The following SLC44A5 variants were observed in gnomAD, a reference collection of about 807,000 sequenced individuals.
SLC44A5 encodes the protein choline transporter-like protein 5.
A neutral mutation model predicts 101.8 loss-of-function variants in SLC44A5; 57 were observed. The ratio of observed to expected loss-of-function variants is 0.56; its 90% CI spans 0.45 to 0.70. The LOEUF is 0.70. Ranked by LOEUF, SLC44A5 falls within the 30% of genes least tolerant of loss-of-function variation. SLC44A5 has a pLI of 0.00. For missense variants in SLC44A5, 737 were observed against 853.1 expected, an observed-to-expected ratio of 0.86 and a Z score of 1.70; for synonymous variants, 281 against 290.9, an observed-to-expected ratio of 0.97 and a Z score of 0.35.
chr1:75,625,504 C>T, the SLC44A5 span, among the ~76,000 whole-genome samples: 3 of 152,072 alleles, frequency 2.0e-5, no homozygotes, highest in African/African-American at 7.2e-5. Flanking sequence ...TCATTGGTTT[C>T]GCAGGCCAAA....
chr1:75,262,498 G>A (rs968244549), intron 6 of SLC44A5, among the ~76,000 whole-genome samples: 6 of 152,108 alleles, frequency 3.9e-5, no homozygotes, highest in Non-Finnish European at 7.3e-5. Flanking sequence ...TAAACAAATG[G>A]AAAAATATTT....
intron 1 of SLC44A5, among the ~76,000 whole-genome samples, chr1:75,589,668 G>GA (rs1674232938): frequency 6.6e-6 from 1 of 152,120 alleles, no homozygotes; most frequent in Non-Finnish European, 1.5e-5. Context: ...TAAAGAGATA[G>GA]AAAAAACGGT....
intron 3 of SLC44A5, among the ~76,000 whole-genome samples, chr1:75,365,812 T>C (rs914324167): frequency 2.6e-5 from 4 of 152,190 alleles, no homozygotes; most frequent in African/African-American, 9.7e-5. Flanking sequence ...AGAGGTTTTT[T>C]TCCTCTGTTG....
At chr1:75,342,450 T>G (rs1204953249) in intron 3 of SLC44A5, among the ~76,000 whole-genome samples, 1 of 152,126 alleles carries the variant, frequency 6.6e-6, no homozygotes, top group East Asian at 1.9e-4. Context: ...ATTTTACAAA[T>G]GAGGAAGTTG....
the SLC44A5 span, among the ~76,000 whole-genome samples, chr1:75,662,929 A>G: frequency 6.6e-6 from 1 of 152,140 alleles, no homozygotes; most frequent in Non-Finnish European, 1.5e-5. Flanking sequence ...TTATTTATTT[A>G]AGATCCCAAG....
intron 3 of SLC44A5, among the ~76,000 whole-genome samples, chr1:75,385,821 C>T (rs1200884048): frequency 2.6e-5 from 4 of 151,926 alleles, no homozygotes; most frequent in South Asian, 2.1e-4. Context: ...AAAATACTGG[C>T]AAAACGAATC....
chr1:75,532,823 T>C (rs549536549), intron 2 of SLC44A5, among the ~76,000 whole-genome samples: 29 of 152,272 alleles, frequency 1.9e-4, no homozygotes, highest in African/African-American at 7.0e-4. Flanking sequence ...GCAGATAGCC[T>C]GAGCTCAAGA....
the SLC44A5 span, among the ~76,000 whole-genome samples, chr1:75,694,934 G>C: frequency 1.3e-5 from 2 of 152,064 alleles, no homozygotes; most frequent in African/African-American, 2.4e-5. Flanking sequence ...ATATTACTTG[G>C]CATACAAGTG....
At chr1:75,476,640 C>T (rs565719529) in intron 2 of SLC44A5, among the ~76,000 whole-genome samples, 15 of 152,340 alleles carry the variant, frequency 9.8e-5, no homozygotes, top group East Asian at 5.8e-4. Flanking sequence ...CACGGAGTCT[C>T]GCTGATTGCT....
At chr1:75,389,319 C>T (rs1377452758) in intron 3 of SLC44A5, among the ~76,000 whole-genome samples, 1 of 152,130 alleles carries the variant, frequency 6.6e-6, no homozygotes, top group Non-Finnish European at 1.5e-5. Flanking sequence ...TCTTGACCAA[C>T]CGGACCTAAA....
intron 2 of SLC44A5, among the ~76,000 whole-genome samples, chr1:75,445,132 A>AG (rs1480267867): frequency 6.6e-6 from 1 of 152,106 alleles, no homozygotes. Context: ...AGGTGGGCCT[A>AG]GTGGGTGATG....
At chr1:75,560,276 C>G (rs1258558178) in intron 1 of SLC44A5, among the ~76,000 whole-genome samples, 2 of 152,036 alleles carry the variant, frequency 1.3e-5, no homozygotes, top group Non-Finnish European at 2.9e-5. Flanking sequence ...TGGAAATAAC[C>G]CAATGTCCAT....
chr1:75,328,418 T>G lies in SLC44A5; in HGVS notation c.101+11164A>C, dbSNP rs528434107. Among the ~76,000 whole-genome samples the G allele has an allele frequency of 7.2e-5, 11 of 152,280 alleles. No individual in the cohort carries two copies. In the South Asian group the frequency reaches 2.1e-3, roughly 29 times the overall value. Reference sequence around the variant, plus strand: ...TATGGGTCAGTTACAAACATTTTAGTTGTAACCACAGGAAAGGTGAAGGGT... The same window carrying G: ...TATGGGTCAGTTACAAACATTTTAGGTGTAACCACAGGAAAGGTGAAGGGT... On this transcript the variant is annotated intron_variant, in intron 4 of 23. Transcript: ENST00000370859.
chr1:75,389,972 A>G (rs1661673545), intron 3 of SLC44A5, among the ~76,000 whole-genome samples: 1 of 152,166 alleles, frequency 6.6e-6, no homozygotes, highest in African/African-American at 2.4e-5. Context: ...CACAATGCCA[A>G]CGACAATGGT....
In SLC44A5 at chr1:75,303,649, T is replaced by C. The variant is rs550163202; in HGVS notation, c.102-2964A>G. Among the ~76,000 whole-genome samples the C allele has an allele frequency of 5.8e-4, 88 of 152,366 alleles. 1 individual carries two copies. The South Asian group carries it at 0.018, about 31-fold the overall frequency. On this transcript the variant is annotated intron_variant, in intron 4 of 23. Coordinates refer to ENST00000370859, the MANE Select transcript of SLC44A5 (RefSeq NM_001130058.2). ...ACACTATAATTTATTTTTTATTCTT[T>C]GGTGCCAAGGAAACACTAAAGCATC...
the SLC44A5 span, among the ~76,000 whole-genome samples, chr1:75,660,340 AT>A: frequency 6.6e-6 from 1 of 152,232 alleles, no homozygotes; most frequent in Non-Finnish European, 1.5e-5. Context: ...TCTCAAAAAA[AT>A]AAAGACCATT....
At chr1:75,388,456 A>G (rs188116466) in intron 3 of SLC44A5, among the ~76,000 whole-genome samples, 7 of 152,304 alleles carry the variant, frequency 4.6e-5, no homozygotes, top group Admixed American at 3.9e-4. Flanking sequence ...ACTACAAAGT[A>G]TCCAGCTAAC....
the SLC44A5 span, among the ~76,000 whole-genome samples, chr1:75,678,197 C>G: frequency 6.6e-6 from 1 of 152,180 alleles, no homozygotes; most frequent in Non-Finnish European, 1.5e-5. Context: ...GGGCGCCCAC[C>G]AATGCCCAGG....
chr1:75,660,160 T>C, the SLC44A5 span, among the ~76,000 whole-genome samples: 11 of 152,250 alleles, frequency 7.2e-5, no homozygotes, highest in African/African-American at 2.6e-4. Context: ...GCTGAGATTG[T>C]GCTACTGCAC....
Sources: allele counts gnomAD v4.1 joint callset (sites outside exome capture counted in the v4.1 genomes callset), GRCh38; gene constraint gnomAD v4.1.1; transcripts MANE v1.5; gene names NCBI Gene and HGNC (gene_info 2026-07-23, HGNC 2026-07-21).